Variants in NEIL2 observed in about 807,000 individuals in gnomAD.
The protein encoded by NEIL2 is endonuclease 8-like 2.
In NEIL2, 23 loss-of-function variants were observed where a neutral mutation model predicts 22.2. The ratio of observed to expected loss-of-function variants is 1.04; its 90% confidence interval spans 0.75 to 1.47. The LOEUF is 1.47. NEIL2 is among the 40% of genes most tolerant of loss of function. NEIL2 has a pLI of 0.00. For missense variants in NEIL2, 583 were observed against 404.7 expected, an observed-to-expected ratio of 1.44 and a Z score of -3.78; for synonymous variants, 229 against 164.8, an observed-to-expected ratio of 1.39 and a Z score of -2.99.
At chr8:11,771,665 G>A (rs983084310) in intron 2 of NEIL2, 80 bp downstream of exon 2, 1 of 1,469,444 alleles carries the variant, frequency 6.8e-7, no homozygotes, top group Non-Finnish European at 9.2e-7. Flanking sequence ...TATGTCTCAG[G>A]GTGTCACTTC....
At chr8:11,784,034 G>C (rs1246826178) in intron 4 of NEIL2, among the ~76,000 whole-genome samples, 5 of 144,276 alleles carry the variant, frequency 3.5e-5, no homozygotes, top group African/African-American at 1.3e-4. Flanking sequence ...TGACAGCGTG[G>C]CGTTCTTATT....
intron 2 of NEIL2, among the ~76,000 whole-genome samples, chr8:11,778,093 C>G (rs1169904410): frequency 6.6e-6 from 1 of 152,188 alleles, no homozygotes; most frequent in East Asian, 1.9e-4. Context: ...GTCACAGGAA[C>G]CCAAAAGAGG....
At chr8:11,784,217 T>C (rs1563265585) in intron 4 of NEIL2, among the ~76,000 whole-genome samples, 1 of 152,182 alleles carries the variant, frequency 6.6e-6, no homozygotes, top group Non-Finnish European at 1.5e-5. Flanking sequence ...TGCATTTTCA[T>C]GTTAGGACCA....
At position 11,771,519 on chromosome 8, in the gene NEIL2, G is replaced by C. The variant is rs1022765349; in HGVS notation, c.72G>C (p.Lys24Asn). Residue 24 changes from lysine to asparagine, a missense_variant, in exon 2 of 5, where the codon AAG (lysine) becomes AAC (asparagine). Physicochemically the swap from Lys to Asn is moderately conservative, Grantham distance 94. Transcript: ENST00000284503. ...VSPFVGQQVV[K>N]TGGSSKKLQP... is the part of the protein sequence containing the mutation. ...CCTTTGTGGGTCAGCAGGTGGTCAA[G>C]ACAGGGGGCAGCAGTAAGAAGCTAC... The C allele has an allele frequency of 3.7e-6, 6 of 1,614,144 alleles. No individual in the cohort carries two copies. The highest frequency in any genetic ancestry group is 5.1e-6 in the Non-Finnish European group (6 of 1,180,030).
rs527634800 is a variant in NEIL2, at chr8:11,786,551, G to A, written c.*278G>A. ...ATGATGGGTAAGGGGAAAACTTCCC[G>A]GAAGGCAATGGGGCAAGGAAAAAGA... is the stretch of plus-strand genomic sequence containing the variant. On this transcript the variant is annotated 3_prime_UTR_variant, in exon 5 of 5. Transcript: ENST00000284503. The A allele has an allele frequency of 1.1e-4, 54 of 510,336 alleles. No homozygotes were observed. The highest frequency in any genetic ancestry group is 7.9e-4 in the African/African-American group (41 of 52,000). The allele number at this position is 510,336 out of a possible 1,614,324, so 31.6% of individuals were successfully genotyped here.
chr8:11,783,160 C>A, intron 3 of NEIL2, 43 bp from the exon 4 acceptor site: 1 of 1,568,078 alleles, frequency 6.4e-7, no homozygotes, highest in East Asian at 2.2e-5. Context: ...TCTGACTATA[C>A]TGTGGTAACG....
chr8:11,783,536 T>C (rs1765274944), intron 4 of NEIL2, 137 bp downstream of exon 4: 5 of 730,898 alleles, frequency 6.8e-6, no homozygotes, highest in Non-Finnish European at 1.2e-5. Flanking sequence ...TCAATCTCCT[T>C]TCTTTTACTT....
At chr8:11,784,769 G>T (rs145897478) in intron 4 of NEIL2, among the ~76,000 whole-genome samples, 43 of 152,354 alleles carry the variant, frequency 2.8e-4, no homozygotes, top group African/African-American at 1.0e-3. Flanking sequence ...TGGAAGGAGG[G>T]ATCGAGGCTG....
chr8:11,771,349 GC>G, intron 1 of NEIL2, 96 bp from the exon 2 acceptor site: 1 of 1,510,656 alleles, frequency 6.6e-7, no homozygotes, highest in Non-Finnish European at 9.1e-7. Flanking sequence ...TTAGTTGGCA[GC>G]AAAAATGGCG....
At chr8:11,773,174 C>T (rs1459341481) in intron 2 of NEIL2, among the ~76,000 whole-genome samples, 2 of 152,106 alleles carry the variant, frequency 1.3e-5, no homozygotes, top group Admixed American at 6.5e-5. Flanking sequence ...TCTCTGGATC[C>T]CCAGCACTTA....
intron 3 of NEIL2, among the ~76,000 whole-genome samples, chr8:11,780,598 G>T (rs1260844131): frequency 2.0e-5 from 3 of 152,156 alleles, no homozygotes; most frequent in Non-Finnish European, 4.4e-5. Flanking sequence ...AGGCTGGCTG[G>T]TCTGGAACTC....
intron 2 of NEIL2, among the ~76,000 whole-genome samples, chr8:11,775,126 T>A (rs1241281531): frequency 6.6e-6 from 1 of 152,258 alleles, no homozygotes; most frequent in Non-Finnish European, 1.5e-5. Flanking sequence ...GTCTTTTCCT[T>A]CTGCACTGCC....
intron 2 of NEIL2, among the ~76,000 whole-genome samples, chr8:11,772,351 A>G (rs947867622): frequency 6.6e-5 from 10 of 152,234 alleles, no homozygotes; most frequent in African/African-American, 2.2e-4. Flanking sequence ...TGATCGATGA[A>G]ACTGCCTTTG....
chr8:11,783,264 A>T lies in NEIL2; in HGVS notation c.553A>T (p.Ser185Cys). The T allele has an allele frequency of 6.2e-7, 1 of 1,614,190 alleles. No homozygotes were observed. Among genetic ancestry groups the T allele is most frequent in the Non-Finnish European group, 8.5e-7 (1 of 1,180,030 alleles). ...ATTTTATAATTGTCAGTTGTCTTGG[A>T]GCTCTTCCCCAGTGGTCACACCCAC... ...LAFYNCQLSW[S>C]SSPVVTPTCD... The change falls in exon 4 of 5, where the codon AGC becomes TGC. Residue 185 changes from serine to cysteine, a missense_variant. Coordinates refer to ENST00000284503, the MANE Select transcript of NEIL2 (RefSeq NM_145043.4).
chr8:11,772,296 C>A (rs944399763), intron 2 of NEIL2, among the ~76,000 whole-genome samples: 1 of 152,216 alleles, frequency 6.6e-6, no homozygotes, highest in Non-Finnish European at 1.5e-5. Context: ...TTTCTCACCA[C>A]TGCCTCCCTC....
chr8:11,771,844 C>T (rs942982253), intron 2 of NEIL2, among the ~76,000 whole-genome samples: 5 of 152,170 alleles, frequency 3.3e-5, no homozygotes, highest in Admixed American at 6.5e-5. Flanking sequence ...TCTCTCCGGC[C>T]GCAGCTGATG....
chr8:11,783,495 C>T, intron 4 of NEIL2, 96 bp downstream of exon 4: 4 of 1,039,992 alleles, frequency 3.8e-6, no homozygotes, highest in Non-Finnish European at 3.0e-6. Context: ...CCTAGTTGTG[C>T]CAGTGCTGTT....
intron 2 of NEIL2, among the ~76,000 whole-genome samples, chr8:11,771,845 G>C (rs956185005): frequency 6.6e-6 from 1 of 152,178 alleles, no homozygotes; most frequent in Non-Finnish European, 1.5e-5. Flanking sequence ...CTCTCCGGCC[G>C]CAGCTGATGG....
At chr8:11,783,478 G>A in intron 4 of NEIL2, 79 bp downstream of exon 4, 1 of 1,214,516 alleles carries the variant, frequency 8.2e-7, no homozygotes, top group Non-Finnish European at 1.2e-6. Flanking sequence ...GAAGACCTGA[G>A]GGCCACCCTA....
Sources: gnomAD v4.1 joint callset for allele counts (sites outside exome capture counted in the v4.1 genomes callset) on GRCh38, gnomAD v4.1.1 for gene constraint, MANE v1.5 for transcripts, NCBI Gene and HGNC (gene_info 2026-07-23, HGNC 2026-07-21) for gene names.